Variants in RGS6 observed in about 807,000 individuals in gnomAD.
RGS6 encodes regulator of G-protein signaling 6.
Under a neutral mutation model 78.5 loss-of-function variants are expected in RGS6, and 30 were observed. That is an observed-to-expected ratio of 0.38 (90% confidence interval 0.29 to 0.52). The LOEUF is 0.52. RGS6 is among the 20% of genes least tolerant of loss of function. RGS6 has a pLI of 0.85. For synonymous variants in RGS6, 206 were observed against 206.0 expected (o/e 1.00, Z 0.00); for missense variants, 495 against 609.7 (o/e 0.81, Z 1.98).
At chr14:72,348,753 A>G (rs894143429) in intron 2 of RGS6, among the ~76,000 whole-genome samples, 2 of 152,260 alleles carry the variant, frequency 1.3e-5, no homozygotes, top group African/African-American at 2.4e-5. Flanking sequence ...AGTCACTGAC[A>G]CTGAATGTCA....
At chr14:72,291,570 G>C (rs2063581142) in intron 2 of RGS6, among the ~76,000 whole-genome samples, 1 of 152,150 alleles carries the variant, frequency 6.6e-6, no homozygotes, top group Non-Finnish European at 1.5e-5. Flanking sequence ...ACCTAATCAA[G>C]TTCTTTGAAC....
chr14:72,140,093 C>T (rs1230195678), intron 2 of RGS6, among the ~76,000 whole-genome samples: 1 of 150,238 alleles, frequency 6.7e-6, no homozygotes, highest in Non-Finnish European at 1.5e-5. Flanking sequence ...CCCATGTTCT[C>T]ATTTACCAGT....
chr14:72,237,797 C>T (rs847276), intron 2 of RGS6, among the ~76,000 whole-genome samples: 49,992 of 151,900 alleles, frequency 0.33, 9,149 homozygotes, highest in South Asian at 0.46. Context: ...GAATGAACCC[C>T]GTACTGGTAC....
intron 3 of RGS6, among the ~76,000 whole-genome samples, chr14:72,392,465 C>T (rs113568915): frequency 2.6e-5 from 4 of 151,990 alleles, no homozygotes; most frequent in East Asian, 3.8e-4. Context: ...CAGGATATGC[C>T]GGCTCCCATC....
At chr14:72,607,322 C>G in the RGS6 span, among the ~76,000 whole-genome samples, 7 of 152,202 alleles carry the variant, frequency 4.6e-5, no homozygotes, top group Non-Finnish European at 7.3e-5. Flanking sequence ...GATCAAGGTG[C>G]CAGCAGATTC....
the RGS6 span, among the ~76,000 whole-genome samples, chr14:72,579,596 TC>T: frequency 6.6e-6 from 1 of 152,088 alleles, no homozygotes; most frequent in Non-Finnish European, 1.5e-5. Context: ...GATAATGACA[TC>T]TAGTGAAAAT....
intron 17 of RGS6, chr14:72,541,572 G>T: frequency 6.5e-7 from 1 of 1,535,710 alleles, no homozygotes. Context: ...CGGGCTGTCA[G>T]AGTCAAGGCT....
intron 2 of RGS6, among the ~76,000 whole-genome samples, chr14:72,288,443 G>A (rs2062982359): frequency 6.6e-6 from 1 of 152,214 alleles, no homozygotes; most frequent in Admixed American, 6.5e-5. Context: ...AGTTTGGCTA[G>A]GGGGCTACCC....
chr14:72,249,846 T>G (rs887276383), intron 2 of RGS6, among the ~76,000 whole-genome samples: 3 of 151,870 alleles, frequency 2.0e-5, no homozygotes, highest in East Asian at 3.9e-4. Context: ...AACCCAAATG[T>G]CCAACAATGA....
intron 1 of RGS6, among the ~76,000 whole-genome samples, chr14:71,937,137 A>G (rs145279897): frequency 9.2e-5 from 14 of 152,300 alleles, no homozygotes; most frequent in Non-Finnish European, 1.8e-4. Flanking sequence ...TCCTCTTGAT[A>G]GTCCAGGTCA....
At chr14:72,141,251 A>T (rs985971937) in intron 2 of RGS6, among the ~76,000 whole-genome samples, 4 of 152,158 alleles carry the variant, frequency 2.6e-5, no homozygotes, top group African/African-American at 7.2e-5. Flanking sequence ...TGGTTAACAC[A>T]GGTCTTTAGT....
the RGS6 span, among the ~76,000 whole-genome samples, chr14:71,867,642 T>A: frequency 7.9e-5 from 12 of 152,226 alleles, no homozygotes; most frequent in Admixed American, 7.2e-4. Flanking sequence ...GCATTTCAAC[T>A]GCTGGTTGGG....
chr14:72,036,646 T>A (rs2091756048), intron 2 of RGS6, among the ~76,000 whole-genome samples: 1 of 152,196 alleles, frequency 6.6e-6, no homozygotes, highest in African/African-American at 2.4e-5. Flanking sequence ...TGTTCAGGTC[T>A]TTTGCTCATT....
chr14:72,383,688 C>G (rs965896412), intron 3 of RGS6, among the ~76,000 whole-genome samples: 6 of 152,138 alleles, frequency 3.9e-5, no homozygotes, highest in Admixed American at 6.5e-5. Context: ...ACTAATTTCT[C>G]TCACTTAATT....
chr14:72,427,196 T>C (rs2094463408), intron 3 of RGS6, among the ~76,000 whole-genome samples: 1 of 152,240 alleles, frequency 6.6e-6, no homozygotes, highest in South Asian at 2.1e-4. Flanking sequence ...CAATAAGATA[T>C]TGTAAGAGAG....
At chr14:72,090,847 C>T (rs575032482) in intron 2 of RGS6, among the ~76,000 whole-genome samples, 14 of 152,172 alleles carry the variant, frequency 9.2e-5, no homozygotes, top group Non-Finnish European at 1.9e-4. Context: ...ATGGGATTGG[C>T]GCAGGCTCCT....
At chr14:72,279,289 A>G (rs1319267126) in intron 2 of RGS6, among the ~76,000 whole-genome samples, 2 of 152,090 alleles carry the variant, frequency 1.3e-5, no homozygotes, top group Non-Finnish European at 2.9e-5. Flanking sequence ...GGCATCTCTC[A>G]TCATGGAGCT....
the RGS6 span, among the ~76,000 whole-genome samples, chr14:72,578,976 C>G: frequency 6.6e-6 from 1 of 152,168 alleles, no homozygotes. Flanking sequence ...AAGATGAGAT[C>G]AAGTCTGCAA....
At chr14:72,391,852 C>A (rs746942050) in intron 3 of RGS6, among the ~76,000 whole-genome samples, 46 of 152,096 alleles carry the variant, frequency 3.0e-4, no homozygotes, top group African/African-American at 1.1e-3. Context: ...TGCGGTGTTT[C>A]GTTTTCTGTC....
Sources: gnomAD v4.1 joint callset for allele counts (sites outside exome capture counted in the v4.1 genomes callset) on GRCh38, gnomAD v4.1.1 for gene constraint, MANE v1.5 for transcripts, NCBI Gene and HGNC (gene_info 2026-07-23, HGNC 2026-07-21) for gene names.